Variants in RALGAPA1 observed in about 807,000 individuals in gnomAD.
RALGAPA1 encodes the protein ral GTPase-activating protein subunit alpha-1.
A neutral mutation model predicts 269.6 loss-of-function variants in RALGAPA1; 52 were observed. The observed-to-expected ratio is 0.19, with a 90% CI of 0.15 to 0.24. The LOEUF (loss-of-function observed/expected upper bound fraction) is 0.24. Among genes scored for constraint, RALGAPA1 ranks in the 10% least tolerant of loss-of-function variants. The pLI is 1.00. For missense variants in RALGAPA1, 1,917 were observed against 3,013.9 expected, an observed-to-expected ratio of 0.64 and a Z score of 8.52; for synonymous variants, 817 against 1,008.3, an observed-to-expected ratio of 0.81 and a Z score of 3.60.
chr14:35,638,285 A>G (rs189458751), intron 31 of RALGAPA1, among the ~76,000 whole-genome samples: 8 of 152,336 alleles, frequency 5.3e-5, no homozygotes, highest in Admixed American at 3.3e-4. Context: ...ACAGTACAAT[A>G]AGATATAAAT....
At chr14:35,699,642 A>G (rs916527414) in intron 17 of RALGAPA1, among the ~76,000 whole-genome samples, 2 of 152,144 alleles carry the variant, frequency 1.3e-5, no homozygotes, top group East Asian at 3.8e-4. Flanking sequence ...TAATATAAAT[A>G]CAAAGATTTA....
At chr14:35,646,663 G>A (rs934344633) in intron 31 of RALGAPA1, among the ~76,000 whole-genome samples, 2 of 152,134 alleles carry the variant, frequency 1.3e-5, no homozygotes, top group African/African-American at 4.8e-5. Flanking sequence ...AATTTCTTTT[G>A]CCCTACAGGA....
chr14:35,654,582 T>C (rs750638406), intron 29 of RALGAPA1, 105 bp from the exon 30 acceptor site: 95 of 1,328,106 alleles, frequency 7.2e-5, no homozygotes, highest in Non-Finnish European at 9.3e-5. Context: ...GGATTATAAA[T>C]CCTACATTTA....
chr14:35,781,954 A>C (rs1455552802), intron 1 of RALGAPA1, among the ~76,000 whole-genome samples: 1 of 152,154 alleles, frequency 6.6e-6, no homozygotes, highest in Non-Finnish European at 1.5e-5. Context: ...TTTATTTAAT[A>C]TTATACTGTA....
At chr14:35,581,168 GTTTAAACAT>G (rs1177866872) in intron 37 of RALGAPA1, among the ~76,000 whole-genome samples, 1 of 152,044 alleles carries the variant, frequency 6.6e-6, no homozygotes, top group Non-Finnish European at 1.5e-5. Flanking sequence ...CTACGATTAA[GTTTAAACAT>G]TTAACCTATC....
intron 39 of RALGAPA1, among the ~76,000 whole-genome samples, chr14:35,549,685 T>G (rs2054795607): frequency 6.6e-6 from 1 of 152,134 alleles, no homozygotes; most frequent in Admixed American, 6.6e-5. Flanking sequence ...CAAAATTCTG[T>G]TTTTCATTTG....
intron 35 of RALGAPA1, among the ~76,000 whole-genome samples, chr14:35,612,541 CTTT>C (rs71124709): frequency 1.3e-3 from 181 of 139,878 alleles, no homozygotes; most frequent in African/African-American, 4.0e-3. Flanking sequence ...TCTTCTTCTT[CTTT>C]TTTTTTTTTT....
chr14:35,780,396 C>T (rs1211893346), intron 1 of RALGAPA1, among the ~76,000 whole-genome samples: 2 of 152,114 alleles, frequency 1.3e-5, no homozygotes, highest in Non-Finnish European at 2.9e-5. Context: ...CTATCGAATG[C>T]CCATCTAACA....
chr14:35,549,417 T>C (rs1194487623), intron 39 of RALGAPA1, among the ~76,000 whole-genome samples, 183 bp from the exon 40 acceptor site: 1 of 152,338 alleles, frequency 6.6e-6, no homozygotes, highest in Non-Finnish European at 1.5e-5. Flanking sequence ...TTTTAATGTA[T>C]GTTTACTCTT....
intron 41 of RALGAPA1, among the ~76,000 whole-genome samples, chr14:35,548,193 C>A (rs1313947219): frequency 6.6e-6 from 1 of 151,974 alleles, no homozygotes; most frequent in African/African-American, 2.4e-5. Context: ...AGACACACTA[C>A]TTCAGTTCAA....
At chr14:35,783,381 T>C (rs1212063261) in intron 1 of RALGAPA1, among the ~76,000 whole-genome samples, 1 of 152,018 alleles carries the variant, frequency 6.6e-6, no homozygotes, top group Non-Finnish European at 1.5e-5. Flanking sequence ...CCTTCAAAAG[T>C]CTTTTCAACA....
intron 39 of RALGAPA1, among the ~76,000 whole-genome samples, chr14:35,568,548 C>A: frequency 6.6e-6 from 1 of 152,116 alleles, no homozygotes; most frequent in Non-Finnish European, 1.5e-5. Context: ...AAAAAAGGCA[C>A]ATGGTATGTG....
At chr14:35,693,677 T>C (rs1041011802) in intron 17 of RALGAPA1, among the ~76,000 whole-genome samples, 1 of 151,916 alleles carries the variant, frequency 6.6e-6, no homozygotes, top group Non-Finnish European at 1.5e-5. Context: ...AATAAAAACG[T>C]TGTTTTCAAG....
chr14:35,775,577 T>C, intron 2 of RALGAPA1, 58 bp downstream of exon 2: 1 of 1,519,518 alleles, frequency 6.6e-7, no homozygotes, highest in Non-Finnish European at 8.8e-7. Context: ...CTTTAAGTTA[T>C]GTTTATGACA....
At chr14:35,773,304 C>A (rs1200129355) in intron 3 of RALGAPA1, among the ~76,000 whole-genome samples, 1 of 151,968 alleles carries the variant, frequency 6.6e-6, no homozygotes, top group Non-Finnish European at 1.5e-5. Flanking sequence ...TTTCTGATTT[C>A]TTTTTCATCA....
chr14:35,594,297 T>A (rs1003065323), intron 37 of RALGAPA1, among the ~76,000 whole-genome samples: 1 of 152,096 alleles, frequency 6.6e-6, no homozygotes. Flanking sequence ...AAAAAGCTTC[T>A]GCAGAACAAA....
chr14:35,766,175 C>T (rs889233682), intron 4 of RALGAPA1: 1 of 851,114 alleles, frequency 1.2e-6, no homozygotes, highest in Non-Finnish European at 2.1e-6. Flanking sequence ...CAAACTATGG[C>T]TTAGTTTCCC....
At position 35,722,519 on chromosome 14, in the gene RALGAPA1, TG is replaced by T. The variant is rs573706401; in HGVS notation, c.2104+507del. Among the ~76,000 whole-genome samples, 786 of 151,182 alleles carry T rather than the reference TG, an allele frequency of 5.2e-3. 9 individuals are homozygous for T. Among genetic ancestry groups the T allele is most frequent in the African/African-American group, 0.018 (733 of 41,086 alleles). On this transcript the variant is annotated intron_variant, in intron 15 of 41. Coordinates refer to ENST00000680220, the MANE Select transcript of RALGAPA1 (RefSeq NM_001346249.2). Reference sequence around the variant, plus strand: ...TCCCAGCTACTTGGGAAGCTGAAGGTGGGGATCCCTTGAGCCTGGGAGGTCG... The same window carrying T: ...TCCCAGCTACTTGGGAAGCTGAAGGTGGGATCCCTTGAGCCTGGGAGGTCG...
At chr14:35,793,238 C>CTT (rs762905743) in intron 1 of RALGAPA1, among the ~76,000 whole-genome samples, 21 of 141,034 alleles carry the variant, frequency 1.5e-4, no homozygotes, top group South Asian at 2.2e-4. Context: ...CCAAAGTCTA[C>CTT]TTTTTTTTTT....
Sources: gnomAD v4.1 joint callset for allele counts (sites outside exome capture counted in the v4.1 genomes callset) on GRCh38, gnomAD v4.1.1 for gene constraint, MANE v1.5 for transcripts, NCBI Gene and HGNC (gene_info 2026-07-23, HGNC 2026-07-21) for gene names.